The following SCAF8 variants were observed in gnomAD, a reference collection of about 807,000 sequenced individuals.
The protein encoded by SCAF8 is SR-related CTD associated factor 8.
Under a neutral mutation model 140.5 loss-of-function variants are expected in SCAF8, and 23 were observed. That is an observed-to-expected ratio of 0.16 (90% CI 0.12 to 0.23). The LOEUF (loss-of-function observed/expected upper bound fraction) is 0.23, where lower values mean the gene tolerates loss of function less well. Ranked by LOEUF, SCAF8 falls within the 10% of genes least tolerant of loss-of-function variation. SCAF8 has a pLI of 1.00. For synonymous variants in SCAF8, 575 were observed against 528.9 expected, an observed-to-expected ratio of 1.09 and a Z score of -1.20; for missense variants, 1,397 against 1,555.7, an observed-to-expected ratio of 0.90 and a Z score of 1.72.
intron 6 of SCAF8, 124 bp from the exon 7 acceptor site, chr6:154,801,841 TTATTAA>T: frequency 1.8e-6 from 1 of 560,764 alleles, no homozygotes; most frequent in Non-Finnish European, 3.1e-6. Flanking sequence ...AAAAATTAAC[TTATTAA>T]TAGTGTGTAT....
rs567330119 is a variant in SCAF8 at position 154,821,028 on chromosome 6, A to ATT, written c.1792+702_1792+703dup. Among the ~76,000 whole-genome samples, 432 of 151,868 alleles carry ATT rather than the reference A, an allele frequency of 2.8e-3. 3 individuals are homozygous for ATT. Among genetic ancestry groups the ATT allele is most frequent in the African/African-American group, 0.01 (423 of 41,432 alleles). On this transcript the variant is annotated intron_variant, in intron 15 of 19. Coordinates refer to ENST00000367178, the MANE Select transcript of SCAF8 (RefSeq NM_014892.5). Reference sequence around the variant, plus strand: ...TCAGACCAAGGTAAAATTTTGAACCATTTTTTTTCTTCCTGTCAGGCCTAT... The same window carrying ATT: ...TCAGACCAAGGTAAAATTTTGAACCATTTTTTTTTTCTTCCTGTCAGGCCTAT...
intron 11 of SCAF8, 59 bp downstream of exon 11, chr6:154,808,857 C>A: frequency 8.7e-7 from 1 of 1,145,934 alleles, no homozygotes; most frequent in Non-Finnish European, 1.3e-6. Context: ...GGCTTTATTT[C>A]TTTGCATCAG....
rs368652674 is a variant in SCAF8 at position 154,748,503 on chromosome 6, TGTC to T, written c.30+14575_30+14577del. Among the ~76,000 whole-genome samples, 99 of 152,280 alleles carry T rather than the reference TGTC, an allele frequency of 6.5e-4. 3 individuals are homozygous for T. In the East Asian group the frequency reaches 0.017, roughly 25 times the overall value. On this transcript the variant is annotated intron_variant, in intron 1 of 19. Coordinates refer to ENST00000367178, the MANE Select transcript of SCAF8 (RefSeq NM_014892.5). ...AATATGAGCACCTTTGAATAAAAAT[TGTC>T]GAGATGAATTTTTACCATGTTACTT...
chr6:154,826,904 A>C (rs1366991563), intron 17 of SCAF8, among the ~76,000 whole-genome samples: 2 of 152,210 alleles, frequency 1.3e-5, no homozygotes, highest in African/African-American at 4.8e-5. Flanking sequence ...TTTTGATTTT[A>C]CAGCACCATA....
intron 1 of SCAF8, among the ~76,000 whole-genome samples, chr6:154,756,747 C>G (rs1562429557): frequency 6.6e-6 from 1 of 152,118 alleles, no homozygotes; most frequent in Non-Finnish European, 1.5e-5. Context: ...GTTCTTTAAG[C>G]TGGGCGCGGT....
intron 1 of SCAF8, among the ~76,000 whole-genome samples, chr6:154,761,045 T>C (rs371745882): frequency 5.9e-5 from 9 of 152,144 alleles, no homozygotes; most frequent in African/African-American, 1.4e-4. Context: ...CAAGCGATCC[T>C]CTCACCTTGG....
chr6:154,767,476 T>C (rs888703458), intron 1 of SCAF8, among the ~76,000 whole-genome samples: 2 of 151,556 alleles, frequency 1.3e-5, no homozygotes, highest in Non-Finnish European at 2.9e-5. Context: ...CTTAATGATA[T>C]CTGGGAAATC....
At chr6:154,820,041 A>G in intron 14 of SCAF8, 136 bp from the exon 15 acceptor site, 1 of 611,254 alleles carries the variant, frequency 1.6e-6, no homozygotes, top group Non-Finnish European at 2.6e-6. Flanking sequence ...TTAGTTTTTC[A>G]GCTTTGCTTT....
At chr6:154,777,405 A>G (rs1776947822) in intron 2 of SCAF8, among the ~76,000 whole-genome samples, 1 of 152,184 alleles carries the variant, frequency 6.6e-6, no homozygotes, top group Non-Finnish European at 1.5e-5. Flanking sequence ...CCAATTACTA[A>G]TTTTTAATCT....
chr6:154,776,328 A>G (rs573745594), intron 2 of SCAF8, among the ~76,000 whole-genome samples: 1 of 151,948 alleles, frequency 6.6e-6, no homozygotes, highest in African/African-American at 2.4e-5. Flanking sequence ...TATAAACACT[A>G]CATTTTATCA....
chr6:154,806,915 TCAAAA>T (rs1403140675), intron 9 of SCAF8, among the ~76,000 whole-genome samples: 8 of 152,084 alleles, frequency 5.3e-5, no homozygotes, highest in African/African-American at 1.9e-4. Flanking sequence ...AAGTTGTAAC[TCAAAA>T]CAAACAGCTC....
chr6:154,756,591 T>C (rs1174946535), intron 1 of SCAF8, among the ~76,000 whole-genome samples: 1 of 152,208 alleles, frequency 6.6e-6, no homozygotes, highest in East Asian at 1.9e-4. Flanking sequence ...TTTAGTTGAT[T>C]ATACCTTGAT....
chr6:154,773,844 C>A, intron 1 of SCAF8, 145 bp from the exon 2 acceptor site: 1 of 624,002 alleles, frequency 1.6e-6, no homozygotes, highest in East Asian at 2.7e-5. Context: ...TTGCATTTGC[C>A]TTATGGGCAG....
intron 4 of SCAF8, among the ~76,000 whole-genome samples, chr6:154,789,940 C>T (rs1431401763): frequency 6.6e-6 from 1 of 152,178 alleles, no homozygotes; most frequent in Non-Finnish European, 1.5e-5. Context: ...AAATTTTATA[C>T]ATGCATTTTT....
chr6:154,788,161 G>A, intron 4 of SCAF8, 139 bp downstream of exon 4: 1 of 651,400 alleles, frequency 1.5e-6, no homozygotes, highest in Non-Finnish European at 2.6e-6. Context: ...ATACAGTGGT[G>A]GTCTCCTAAG....
intron 1 of SCAF8, among the ~76,000 whole-genome samples, chr6:154,762,404 G>A (rs1776431855): frequency 6.6e-6 from 1 of 152,130 alleles, no homozygotes; most frequent in Non-Finnish European, 1.5e-5. Flanking sequence ...CTGGCTGTGG[G>A]CTGGGGGTTA....
intron 1 of SCAF8, among the ~76,000 whole-genome samples, chr6:154,735,516 C>CTTT (rs1338701849): frequency 1.0e-5 from 1 of 98,418 alleles, no homozygotes; most frequent in African/African-American, 5.4e-5. Context: ...ACTTGGGAAT[C>CTTT]TTCTTTTTTT....
intron 1 of SCAF8, among the ~76,000 whole-genome samples, chr6:154,747,902 G>A (rs999304273): frequency 1.3e-4 from 13 of 100,232 alleles, no homozygotes; most frequent in African/African-American, 5.9e-4. Context: ...ATTTCTGTGT[G>A]TGTGTGTGTG....
At chr6:154,752,735 T>A (rs1458035495) in intron 1 of SCAF8, among the ~76,000 whole-genome samples, 1 of 152,174 alleles carries the variant, frequency 6.6e-6, no homozygotes, top group East Asian at 1.9e-4. Context: ...CTTGTTTGTT[T>A]TTTTGAGATG....
Sources: gnomAD v4.1 joint callset for allele counts (sites outside exome capture counted in the v4.1 genomes callset) on GRCh38, gnomAD v4.1.1 for gene constraint, MANE v1.5 for transcripts, NCBI Gene and HGNC (gene_info 2026-07-23, HGNC 2026-07-21) for gene names.